LAMA3: variants seen among roughly 807,000 people sequenced by gnomAD.
LAMA3 encodes the protein laminin subunit alpha 3.
A neutral mutation model predicts 402.0 loss-of-function variants in LAMA3; 281 were observed. That is an observed-to-expected ratio of 0.70 (90% confidence interval 0.63 to 0.77). The LOEUF (loss-of-function observed/expected upper bound fraction) is 0.77. Ranked by LOEUF, LAMA3 falls within the 30% of genes least tolerant of loss-of-function variation. The pLI is 0.00. For missense variants in LAMA3, 3,840 were observed against 4,215.5 expected, an observed-to-expected ratio of 0.91 and a Z score of 2.47; for synonymous variants, 1,431 against 1,558.4, an observed-to-expected ratio of 0.92 and a Z score of 1.93.
chr18:23,846,490 G>A lies in LAMA3; in HGVS notation c.3913G>A (p.Gly1305Arg), dbSNP rs377403784. ...CACCCGCTGTGCAACAGGCCACTACGGATTCCCACGCTGCAAGCGTAAGTG... is the reference window on the plus strand; with the variant it reads ...CACCCGCTGTGCAACAGGCCACTACAGATTCCCACGCTGCAAGCGTAAGTG... ...QCTRCATGHYGFPRCKPCSCG... is the reference protein window; with the variant it reads ...QCTRCATGHYRFPRCKPCSCG... Residue 1305 changes from glycine (G) to arginine (R), a missense_variant, in exon 31 of 75, where the codon GGA becomes AGA. This residue lies in a region of LAMA3 where 2,109 missense variants were observed against 2,376.0 expected (regional missense o/e 0.89). Transcript: ENST00000313654. 5.8e-5 allele frequency: 93 copies of A among 1,610,116 alleles called. No individual in the cohort carries two copies. Among genetic ancestry groups the A allele is most frequent in the Admixed American group, 3.2e-4 (19 of 60,000 alleles).
rs1439040780 is a variant in LAMA3, at chr18:23,924,533, CTTTTTTTTTCTTTT to C, written c.8177+2958_8177+2971del. Among the ~76,000 whole-genome samples the C allele has an allele frequency of 8.1e-5, 10 of 122,822 alleles. No individual in the cohort carries two copies. In the South Asian group the frequency reaches 2.7e-3, roughly 33 times the overall value. 80.6% of individuals were successfully genotyped at this position (122,822 alleles called of 152,430 possible). ...TTCTGGGCAAGTTTTATACTTTGAC[CTTTTTTTTTCTTTT>C]TTTTTTTTTTTTTTGAGACGAGGTG... On this transcript the variant is annotated intron_variant, in intron 62 of 74. Transcript: ENST00000313654.
intron 38 of LAMA3, among the ~76,000 whole-genome samples, chr18:23,875,268 TAAG>T (rs1278785671): frequency 1.3e-5 from 2 of 152,194 alleles, no homozygotes; most frequent in Non-Finnish European, 2.9e-5. Context: ...ATGGCTGGTA[TAAG>T]AAGAATTGTT....
At position 23,689,881 on chromosome 18, in the gene LAMA3, C is replaced by A. The variant is rs140590091; in HGVS notation, c.198C>A (p.Cys66Ter). 2 of 1,543,510 alleles carry A rather than the reference C, an allele frequency of 1.3e-6. No homozygotes were observed. Among genetic ancestry groups the A allele is most frequent in the Non-Finnish European group, 1.7e-6 (2 of 1,144,654 alleles). ...CGAGGATTTGGGCCACCGCCACCTG[C>A]GGGGAGAGGGGACCCGGCGAGGGGA... Reference protein sequence around the residue: ...EAARIWATATCGERGPGEGRP... With the variant: ...EAARIWATAT The change falls in exon 1 of 75, where the codon TGC becomes TGA. Residue 66 changes from cysteine to a stop codon, truncating the protein, a stop_gained. Transcript: ENST00000313654. LOFTEE classifies it high-confidence loss of function.
At position 23,932,201 on chromosome 18, in the gene LAMA3, A is replaced by T; in HGVS notation, c.8618A>T (p.Lys2873Ile). The T allele has an allele frequency of 6.2e-7, 1 of 1,614,168 alleles. No individual in the cohort carries two copies. Among genetic ancestry groups the T allele is most frequent in the Non-Finnish European group, 8.5e-7 (1 of 1,179,982 alleles). The part of the protein sequence containing the change: ...LIDDQLLRNS[K>I]RLKHISSSRQ... Reference sequence around the variant, plus strand: ...GATGACCAGCTTCTGAGAAATAGCAAAAGGCTAAAACACATTTCAAGTTCC... The same window carrying T: ...GATGACCAGCTTCTGAGAAATAGCATAAGGCTAAAACACATTTCAAGTTCC... Residue 2873 changes from lysine (K) to isoleucine (I), a missense_variant, in exon 66 of 75, where the codon AAA becomes ATA. By Grantham distance (102) the Lys-to-Ile change is moderately radical (BLOSUM62 -3). Around this residue, in one of 3 missense-constraint regions of LAMA3, gnomAD observed 840 missense variants for 981.9 expected, o/e 0.86. Transcript: ENST00000313654.
intron 7 of LAMA3, among the ~76,000 whole-genome samples, chr18:23,762,860 A>ATT (rs113500529): frequency 8.4e-5 from 9 of 106,796 alleles, no homozygotes; most frequent in African/African-American, 4.1e-4. Flanking sequence ...ATATATATAT[A>ATT]TTTTTTTTTT....
chr18:23,953,034 A>T lies in LAMA3; in HGVS notation c.9781A>T (p.Ser3261Cys). ...CCTGCACCTGGAACTGGACACAGAC[A>T]GTAGCTACACAGCTGGACAGATCCC... ...HILHLELDTD[S>C]SYTAGQIPFP... is the part of the protein sequence containing the mutation. Residue 3261 changes from serine (S) to cysteine (C), a missense_variant, in exon 74 of 75, where the codon AGT becomes TGT. Coordinates refer to ENST00000313654, the MANE Select transcript of LAMA3 (RefSeq NM_198129.4). The T allele has an allele frequency of 6.2e-7, 1 of 1,614,116 alleles. No homozygotes were observed. Among genetic ancestry groups the T allele is most frequent in the Non-Finnish European group, 8.5e-7 (1 of 1,179,960 alleles).
chr18:23,929,485 GGTGGCTGACTCT>G (rs1226084817), intron 64 of LAMA3, among the ~76,000 whole-genome samples: 1 of 151,988 alleles, frequency 6.6e-6, no homozygotes, highest in Non-Finnish European at 1.5e-5. Flanking sequence ...GAAAATGGCT[GGTGGCTGACTCT>G]GTGGCTCTGT....
In LAMA3 at chr18:23,692,477, G is replaced by A. The variant is rs573356826; in HGVS notation, c.294+2500G>A. Among the ~76,000 whole-genome samples, 4 of 152,154 alleles carry A rather than the reference G, an allele frequency of 2.6e-5. No individual in the cohort carries two copies. The South Asian group carries it at 6.2e-4, about 24-fold the overall frequency. On this transcript the variant is annotated intron_variant, in intron 1 of 74. Coordinates refer to ENST00000313654, the MANE Select transcript of LAMA3 (RefSeq NM_198129.4). ...AGTAGAGACGGGGTTTCACCATGTC[G>A]GCCAGGCTGGTCTCGAACTACTGAC...
intron 2 of LAMA3, among the ~76,000 whole-genome samples, chr18:23,720,642 A>G (rs1017278756): frequency 1.3e-5 from 2 of 152,166 alleles, no homozygotes; most frequent in Non-Finnish European, 2.9e-5. Context: ...GCATGAGCCA[A>G]TAAATGTGTT....
intron 6 of LAMA3, among the ~76,000 whole-genome samples, chr18:23,754,184 T>C (rs1167037392): frequency 6.6e-6 from 1 of 152,230 alleles, no homozygotes; most frequent in Non-Finnish European, 1.5e-5. Context: ...TTTTAAATTG[T>C]GGTGAAATAC....
chr18:23,699,723 C>G (rs1005141286), intron 1 of LAMA3, among the ~76,000 whole-genome samples: 1 of 152,138 alleles, frequency 6.6e-6, no homozygotes, highest in Non-Finnish European at 1.5e-5. Flanking sequence ...TTAAAGCTGC[C>G]AAACACCCCA....
At position 23,775,924 on chromosome 18, in the gene LAMA3, G is replaced by GT; in HGVS notation, c.1405+2dup. The GT allele has an allele frequency of 6.2e-7, 1 of 1,614,136 alleles. No homozygotes were observed. Among genetic ancestry groups the GT allele is most frequent in the Non-Finnish European group, 8.5e-7 (1 of 1,180,022 alleles). On this transcript the variant is annotated splice_donor_variant, in intron 10 of 74. Transcript: ENST00000313654. LOFTEE classifies it high-confidence loss of function. ...TACTACAATTTCCCATTTTGCTTGA[G>GT]TAAGTACCCACTGCAGAACAAGAGG... is the stretch of plus-strand genomic sequence containing the variant.
intron 6 of LAMA3, among the ~76,000 whole-genome samples, chr18:23,757,027 C>G (rs1288213203): frequency 2.0e-5 from 3 of 151,092 alleles, no homozygotes; most frequent in Non-Finnish European, 4.4e-5. Context: ...ACTCTGAGGC[C>G]TGGGGACTGG....
intron 12 of LAMA3, among the ~76,000 whole-genome samples, chr18:23,787,335 C>G (rs928651285): frequency 6.6e-6 from 1 of 151,620 alleles, no homozygotes; most frequent in Non-Finnish European, 1.5e-5. Context: ...TACCATTAAG[C>G]ACAACATATG....
intron 56 of LAMA3, 99 bp from the exon 57 acceptor site, chr18:23,914,311 T>A: frequency 3.1e-6 from 4 of 1,296,798 alleles, no homozygotes; most frequent in Non-Finnish European, 4.5e-6. Context: ...GCTTATTGCC[T>A]AAAACCCATT....
chr18:23,855,840 G>T (rs1696392788), intron 32 of LAMA3, among the ~76,000 whole-genome samples: 1 of 152,148 alleles, frequency 6.6e-6, no homozygotes, highest in Non-Finnish European at 1.5e-5. Context: ...TGCAGGTATC[G>T]AGTAGGGAGA....
intron 8 of LAMA3, among the ~76,000 whole-genome samples, chr18:23,772,484 A>G (rs1598760082): frequency 1.3e-5 from 2 of 152,196 alleles, no homozygotes; most frequent in African/African-American, 4.8e-5. Flanking sequence ...ATCGGATGGG[A>G]AGGTGGGCCA....
intron 1 of LAMA3, among the ~76,000 whole-genome samples, chr18:23,692,333 AC>A (rs1188124658): frequency 6.6e-6 from 1 of 152,216 alleles, no homozygotes; most frequent in Non-Finnish European, 1.5e-5. Context: ...GTGCAGTGGC[AC>A]GGTCTCAGCT....
intron 10 of LAMA3, 60 bp from the exon 11 acceptor site, chr18:23,777,497 T>A (rs896571414): frequency 1.0e-4 from 118 of 1,139,722 alleles, no homozygotes; most frequent in Non-Finnish European, 1.5e-4. Context: ...TACAACTTAA[T>A]GTTTTACTTT....
Sources: allele counts gnomAD v4.1 joint callset (sites outside exome capture counted in the v4.1 genomes callset), GRCh38; gene constraint gnomAD v4.1.1; regional missense constraint gnomAD v4.1.1; transcripts MANE v1.5; gene names NCBI Gene and HGNC (gene_info 2026-07-23, HGNC 2026-07-21).